The following FAAH2 variants were observed in gnomAD, a reference collection of about 807,000 sequenced individuals.
FAAH2 encodes the protein fatty acid amide hydrolase 2, also known as fatty-acid amide hydrolase 2.
A neutral mutation model predicts 36.9 loss-of-function variants in FAAH2; 60 were observed. That is an observed-to-expected ratio of 1.63 (90% confidence interval 1.32 to 2.02). FAAH2 has a LOEUF of 2.02. Among genes scored for constraint, FAAH2 ranks in the 30% most tolerant of loss-of-function variants. The probability of loss-of-function intolerance (pLI) is 0.00; values close to 1 mark genes in which losing one functional copy is unlikely to be tolerated. For missense variants in FAAH2, 689 were observed against 397.5 expected, an observed-to-expected ratio of 1.73 and a Z score of -6.23; for synonymous variants, 214 against 143.8, an observed-to-expected ratio of 1.49 and a Z score of -3.49.
the FAAH2 span, among the ~76,000 whole-genome samples, chrX:57,140,966 T>C: frequency 8.9e-6 from 1 of 111,918 alleles, no homozygotes; most frequent in Non-Finnish European, 1.9e-5. Context: ...ATGTACCCCA[T>C]GAAACTAATT....
At chrX:57,188,552 T>A in the FAAH2 span, among the ~76,000 whole-genome samples, 6 of 110,959 alleles carry the variant, frequency 5.4e-5, no homozygotes, top group African/African-American at 2.0e-4. Context: ...TGTCTCTATC[T>A]CATTCAGTTC....
chrX:57,219,807 T>TAAAAA, the FAAH2 span, among the ~76,000 whole-genome samples: 1 of 87,750 alleles, frequency 1.1e-5, no homozygotes, highest in African/African-American at 4.4e-5. Flanking sequence ...GGCTGCCTCA[T>TAAAAA]AAAAAAACCT....
chrX:57,281,349 ATTTAC>A, the FAAH2 span, among the ~76,000 whole-genome samples: 2 of 111,557 alleles, frequency 1.8e-5, no homozygotes, highest in Non-Finnish European at 3.8e-5. Flanking sequence ...ATCATTTCCT[ATTTAC>A]TTACCTATTG....
At chrX:57,394,056 T>C (rs1488666451) in intron 7 of FAAH2, 1 of 731,146 alleles carries the variant, frequency 1.4e-6, no homozygotes, top group Non-Finnish European at 2.2e-6. Context: ...TCATGAAATA[T>C]CTGAGCATCA....
chrX:57,297,406 G>A (rs1374952097), intron 2 of FAAH2, among the ~76,000 whole-genome samples: 1 of 110,719 alleles, frequency 9.0e-6, no homozygotes, highest in African/African-American at 3.3e-5. Context: ...CAAATGCTGA[G>A]AGATTTTGTT....
At chrX:57,202,000 C>A in the FAAH2 span, among the ~76,000 whole-genome samples, 2 of 111,807 alleles carry the variant, frequency 1.8e-5, no homozygotes, top group Non-Finnish European at 3.8e-5. Context: ...TTATTTAAAT[C>A]TCTTTGTTAA....
the FAAH2 span, among the ~76,000 whole-genome samples, chrX:57,159,821 G>A: frequency 9.0e-6 from 1 of 111,296 alleles, no homozygotes; most frequent in Non-Finnish European, 1.9e-5. Flanking sequence ...CTAAATGAAT[G>A]CCCTTTATTT....
chrX:57,170,318 G>A, the FAAH2 span, among the ~76,000 whole-genome samples: 1 of 111,706 alleles, frequency 9.0e-6, no homozygotes, highest in Non-Finnish European at 1.9e-5. Context: ...TTTCTTTAAA[G>A]GGCTGAATAA....
At chrX:57,156,443 A>G in the FAAH2 span, among the ~76,000 whole-genome samples, 1 of 111,954 alleles carries the variant, frequency 8.9e-6, no homozygotes, top group East Asian at 2.8e-4. Flanking sequence ...GCTTGTGGAT[A>G]TTCTTCAGTA....
chrX:57,295,772 T>C (rs2052127609), intron 2 of FAAH2, among the ~76,000 whole-genome samples: 1 of 112,019 alleles, frequency 8.9e-6, no homozygotes, highest in Non-Finnish European at 1.9e-5. Flanking sequence ...ACTGTGCTTT[T>C]CCAACAAGCT....
chrX:57,265,020 G>A, the FAAH2 span, among the ~76,000 whole-genome samples: 1 of 111,901 alleles, frequency 8.9e-6, no homozygotes. Flanking sequence ...GTGACACAGA[G>A]CCAAGGGAAC....
chrX:57,190,445 A>G, the FAAH2 span, among the ~76,000 whole-genome samples: 3 of 52,142 alleles, frequency 5.8e-5, no homozygotes, highest in African/African-American at 1.7e-4. Context: ...ACTGTGGTAG[A>G]AAAAAAAAAA....
At chrX:57,276,734 A>G in the FAAH2 span, among the ~76,000 whole-genome samples, 4 of 111,899 alleles carry the variant, frequency 3.6e-5, no homozygotes, top group East Asian at 5.6e-4. Flanking sequence ...AAAAAATAAT[A>G]AAGGGGATAT....
intron 7 of FAAH2, chrX:57,393,467 C>A: frequency 2.2e-6 from 2 of 930,126 alleles, no homozygotes; most frequent in South Asian, 3.9e-5. Flanking sequence ...CCCTTCTGGG[C>A]CAACAAGCTA....
intron 7 of FAAH2, among the ~76,000 whole-genome samples, chrX:57,382,610 C>T (rs989343518): frequency 2.0e-4 from 22 of 111,558 alleles, no homozygotes; most frequent in South Asian, 3.8e-4. Context: ...CATACACCCT[C>T]CCAAGACTAA....
At chrX:57,416,565 ATTCTGGCTTGCAGGGT>A (rs1263879350) in intron 7 of FAAH2, among the ~76,000 whole-genome samples, 2 of 112,010 alleles carry the variant, frequency 1.8e-5, no homozygotes, top group Non-Finnish European at 3.8e-5. Context: ...CCCCCACTCT[ATTCTGGCTTGCAGGGT>A]TTCTGCAGAG....
chrX:57,368,374 A>G (rs2054471991), intron 5 of FAAH2, among the ~76,000 whole-genome samples: 1 of 110,814 alleles, frequency 9.0e-6, no homozygotes. Context: ...CTTGTGGGCA[A>G]GCTCAGCACT....
At chrX:57,454,022 G>T (rs1031376034) in intron 10 of FAAH2, among the ~76,000 whole-genome samples, 1 of 110,724 alleles carries the variant, frequency 9.0e-6, no homozygotes, top group African/African-American at 3.3e-5. Flanking sequence ...ATCGAAGGGG[G>T]CTCCTCCAAA....
chrX:57,142,726 G>A, the FAAH2 span, among the ~76,000 whole-genome samples: 36 of 111,519 alleles, frequency 3.2e-4, no homozygotes, highest in African/African-American at 1.1e-3. Flanking sequence ...ACTTGTTATC[G>A]TTTTGGGATC....
Sources: gnomAD v4.1 joint callset for allele counts (sites outside exome capture counted in the v4.1 genomes callset) on GRCh38, gnomAD v4.1.1 for gene constraint, MANE v1.5 for transcripts, NCBI Gene and HGNC (gene_info 2026-07-23, HGNC 2026-07-21) for gene names.